OR14I1: variants seen among roughly 807,000 people sequenced by gnomAD.
The protein encoded by OR14I1 is olfactory receptor family 14 subfamily I member 1, also known as olfactory receptor 14I1.
For synonymous variants in OR14I1, 118 were observed against 71.1 expected, an observed-to-expected ratio of 1.66 and a Z score of -3.32; for missense variants, 279 against 181.8, an observed-to-expected ratio of 1.53 and a Z score of -3.07.
chr1:248,680,009 AAC>A (rs1345287082), downstream of OR14I1, among the ~76,000 whole-genome samples: 2 of 152,208 alleles, frequency 1.3e-5, no homozygotes, highest in African/African-American at 2.4e-5. Context: ...AACAGGAAAA[AAC>A]ACATATTAAG....
At chr1:248,681,486 A>T in exon 1 of OR14I1, 1 of 781,068 alleles carries the variant, frequency 1.3e-6, no homozygotes, top group South Asian at 1.3e-5. Context: ...TGTATGTCAG[A>T]GCAATCACTA....
chr1:248,687,138 T>C (rs1661671222), upstream of OR14I1, among the ~76,000 whole-genome samples: 3 of 152,202 alleles, frequency 2.0e-5, no homozygotes, highest in South Asian at 6.2e-4. Context: ...GAGCATGAGA[T>C]ATAGAGATTT....
chr1:248,687,242 A>C (rs1661672765), upstream of OR14I1, among the ~76,000 whole-genome samples: 1 of 152,238 alleles, frequency 6.6e-6, no homozygotes, highest in Admixed American at 6.5e-5. Context: ...TACAAAACCC[A>C]GACATTTAAG....
chr1:248,682,145 G>T (rs1298263073), exon 1 of OR14I1: 1 of 780,970 alleles, frequency 1.3e-6, no homozygotes, highest in Non-Finnish European at 2.4e-6. Context: ...ATGGGTGTGT[G>T]AAGATGCTGA....
At chr1:248,687,099 A>G (rs1192422737), upstream of OR14I1, among the ~76,000 whole-genome samples, 2 of 152,226 alleles carry the variant, frequency 1.3e-5, no homozygotes, top group African/African-American at 4.8e-5. Context: ...GTAGGTGCCA[A>G]CTGAACTCAG....
At chr1:248,688,098 C>T in the OR14I1 span, among the ~76,000 whole-genome samples, 1 of 152,046 alleles carries the variant, frequency 6.6e-6, no homozygotes, top group African/African-American at 2.4e-5. Context: ...AGTTATCTAC[C>T]CTAAACTTGC....
At chr1:248,691,697 A>G in the OR14I1 span, 1 of 152,518 alleles carries the variant, frequency 6.6e-6, no homozygotes, top group Non-Finnish European at 1.5e-5. Flanking sequence ...GGAAGTGAGG[A>G]CCAATGGGGC....
At chr1:248,681,330 G>T in exon 1 of OR14I1, 4 of 633,314 alleles carry the variant, frequency 6.3e-6, no homozygotes, top group South Asian at 2.1e-5. Context: ...CTTTTTTGGG[G>T]TTTTGTTGCA....
At chr1:248,678,597 C>T (rs28670986), downstream of OR14I1, among the ~76,000 whole-genome samples, 101,883 of 152,060 alleles carry the variant, frequency 0.67, 36,565 homozygotes, top group South Asian at 0.81. Context: ...TTAAATTACA[C>T]GCATATTTCA....
downstream of OR14I1, among the ~76,000 whole-genome samples, chr1:248,679,183 A>C (rs1661520475): frequency 1.3e-5 from 2 of 152,140 alleles, no homozygotes; most frequent in Non-Finnish European, 2.9e-5. Context: ...CATAAGTGAA[A>C]CTCTGTATAA....
downstream of OR14I1, among the ~76,000 whole-genome samples, chr1:248,680,658 T>C (rs1271360120): frequency 6.6e-6 from 1 of 152,144 alleles, no homozygotes; most frequent in Non-Finnish European, 1.5e-5. Context: ...TCTGTATGTA[T>C]TAACACATTG....
chr1:248,699,921 C>G, the OR14I1 span, among the ~76,000 whole-genome samples: 4 of 152,040 alleles, frequency 2.6e-5, no homozygotes, highest in African/African-American at 9.7e-5. Flanking sequence ...CCACGCCCAG[C>G]TAATTTTTTA....
upstream of OR14I1, among the ~76,000 whole-genome samples, chr1:248,685,661 T>G (rs1186552445): frequency 2.0e-5 from 3 of 151,512 alleles, no homozygotes; most frequent in Non-Finnish European, 4.4e-5. Flanking sequence ...TTATATATAG[T>G]TGTGTATATA....
chr1:248,699,325 C>T, the OR14I1 span, among the ~76,000 whole-genome samples: 1 of 152,108 alleles, frequency 6.6e-6, no homozygotes, highest in Non-Finnish European at 1.5e-5. Flanking sequence ...TTAAGAAGAA[C>T]ATAAAAGAGC....
chr1:248,696,598 C>G, the OR14I1 span, among the ~76,000 whole-genome samples: 2 of 152,162 alleles, frequency 1.3e-5, no homozygotes, highest in African/African-American at 4.8e-5. Flanking sequence ...CACCCGTGAC[C>G]TTTACTTGTA....
chr1:248,698,965 T>A, the OR14I1 span: 1 of 152,134 alleles, frequency 6.6e-6, no homozygotes, highest in African/African-American at 2.4e-5. Flanking sequence ...AGAGTAGAAA[T>A]TGCAAATCAG....
chr1:248,685,541 G>A (rs764956551), upstream of OR14I1, among the ~76,000 whole-genome samples: 2 of 152,012 alleles, frequency 1.3e-5, no homozygotes, highest in African/African-American at 2.4e-5. Flanking sequence ...AAACTGCCAC[G>A]TGGCCAATTC....
At chr1:248,699,436 C>G in the OR14I1 span, among the ~76,000 whole-genome samples, 3 of 152,218 alleles carry the variant, frequency 2.0e-5, no homozygotes, top group African/African-American at 7.2e-5. Context: ...TTTAGATGGA[C>G]TTTGAGGAGA....
At chr1:248,702,429 CTATT>C in the OR14I1 span, among the ~76,000 whole-genome samples, 2 of 152,132 alleles carry the variant, frequency 1.3e-5, no homozygotes, top group Non-Finnish European at 2.9e-5. Flanking sequence ...GAAATTCTAT[CTATT>C]TATTGTCCCT....
Sources: allele counts gnomAD v4.1 joint callset (sites outside exome capture counted in the v4.1 genomes callset), GRCh38; gene constraint gnomAD v4.1.1; transcripts MANE v1.5; gene names NCBI Gene and HGNC (gene_info 2026-07-23, HGNC 2026-07-21).